DGKI: variants seen among roughly 807,000 people sequenced by gnomAD.
DGKI encodes the protein DAG kinase iota.
In DGKI, 55 loss-of-function variants were observed where a neutral mutation model predicts 147.5. The observed-to-expected ratio is 0.37, with a 90% CI of 0.30 to 0.47. The LOEUF is 0.47. Ranked by LOEUF, DGKI falls within the 20% of genes least tolerant of loss-of-function variation. The pLI is 1.00. For missense variants in DGKI, 1,007 were observed against 1,323.8 expected (o/e 0.76, Z 3.71); for synonymous variants, 469 against 477.1 (o/e 0.98, Z 0.22).
chr7:137,786,579 A>G (rs1238081944), intron 1 of DGKI, among the ~76,000 whole-genome samples: 1 of 152,092 alleles, frequency 6.6e-6, no homozygotes, highest in Non-Finnish European at 1.5e-5. Flanking sequence ...ATTCCCATCA[A>G]AATACCACCA....
At chr7:137,609,228 T>G (rs1371146574) in intron 9 of DGKI, among the ~76,000 whole-genome samples, 164 bp from the exon 10 acceptor site, 1 of 151,448 alleles carries the variant, frequency 6.6e-6, no homozygotes, top group Admixed American at 6.6e-5. Flanking sequence ...CAAGTTATCA[T>G]TTGCTCCAGA....
intron 8 of DGKI, among the ~76,000 whole-genome samples, chr7:137,617,124 C>CAAAAAAAA (rs60654879): frequency 2.1e-5 from 1 of 48,130 alleles, no homozygotes. Flanking sequence ...TCCCTTTTAC[C>CAAAAAAAA]AAAAAAAAAA....
rs561655113 is a variant in DGKI, at chr7:137,722,886, C to T, written c.402-32884G>A. On this transcript the variant is annotated intron_variant, in intron 1 of 32. Coordinates refer to ENST00000614521, the MANE Select transcript of DGKI (RefSeq NM_001321708.2). ...AAGAACTTAATTAAATAGTTGACTA[C>T]GTTAAAAAAAAAAAAAAGTATAGCA... 40 of 534,182 alleles carry T rather than the reference C, an allele frequency of 7.5e-5. No homozygotes were observed. The African/African-American group carries it at 1.3e-3, about 18-fold the overall frequency. The allele number at this position is 534,182 out of a possible 1,614,324, so 33.1% of individuals were successfully genotyped here.
At chr7:137,730,609 T>C (rs1413285309) in intron 1 of DGKI, among the ~76,000 whole-genome samples, 1 of 152,140 alleles carries the variant, frequency 6.6e-6, no homozygotes. Flanking sequence ...ATGAGTTTAC[T>C]CAGGTATCAG....
At chr7:137,663,559 G>A (rs1051295262) in intron 3 of DGKI, among the ~76,000 whole-genome samples, 7 of 152,192 alleles carry the variant, frequency 4.6e-5, no homozygotes, top group Non-Finnish European at 1.0e-4. Flanking sequence ...GGGCTCCTGG[G>A]TGTCTATGTA....
chr7:137,384,582 T>C lies in DGKI; in HGVS notation c.*6638A>G, dbSNP rs1202798597. On this transcript the variant is annotated 3_prime_UTR_variant, in exon 33 of 33. Transcript: ENST00000614521. The stretch of plus-strand genomic sequence containing the variant: ...ATGAATCTGCACAGGCTGAATTCAC[T>C]GCTCTGAGATTCAGTGCATTCATCT... 1 of 152,116 alleles carries C rather than the reference T, an allele frequency of 6.6e-6. No individual in the cohort carries two copies. The highest frequency in any genetic ancestry group is 1.5e-5 in the Non-Finnish European group (1 of 67,988). 9.4% of individuals were successfully genotyped at this position (152,116 alleles called of 1,614,324 possible). A position where few individuals can be genotyped will look rare whatever the true frequency, so the allele number is the denominator to read the frequency against.
At chr7:137,542,622 A>C (rs959947210) in intron 20 of DGKI, among the ~76,000 whole-genome samples, 1 of 152,170 alleles carries the variant, frequency 6.6e-6, no homozygotes, top group Non-Finnish European at 1.5e-5. Flanking sequence ...ACTACAGTGG[A>C]ATACATCATG....
At chr7:137,682,705 A>G (rs1052294975) in intron 2 of DGKI, among the ~76,000 whole-genome samples, 1 of 152,158 alleles carries the variant, frequency 6.6e-6, no homozygotes, top group Non-Finnish European at 1.5e-5. Context: ...CTCTCTTGCA[A>G]TTAGGTGTGG....
chr7:137,518,684 G>T (rs963998008), intron 21 of DGKI, among the ~76,000 whole-genome samples: 1 of 152,028 alleles, frequency 6.6e-6, no homozygotes. Context: ...AGAATAAACT[G>T]GTGCTCAAAC....
At chr7:137,763,699 T>G (rs1402621383) in intron 1 of DGKI, among the ~76,000 whole-genome samples, 1 of 152,244 alleles carries the variant, frequency 6.6e-6, no homozygotes, top group Non-Finnish European at 1.5e-5. Flanking sequence ...ATTCTATAGC[T>G]TCTCTCTGTA....
intron 1 of DGKI, among the ~76,000 whole-genome samples, chr7:137,733,945 A>C (rs1187929602): frequency 6.6e-6 from 1 of 152,110 alleles, no homozygotes; most frequent in Admixed American, 6.6e-5. Context: ...GCACAGATCC[A>C]TTTGAATAGG....
At chr7:137,640,375 G>A (rs1376584399) in intron 6 of DGKI, among the ~76,000 whole-genome samples, 1 of 152,150 alleles carries the variant, frequency 6.6e-6, no homozygotes, top group Non-Finnish European at 1.5e-5. Flanking sequence ...GCTTCCAGCA[G>A]TCATGTGGGC....
At chr7:137,428,564 G>A (rs1371905442) in intron 28 of DGKI, among the ~76,000 whole-genome samples, 2 of 152,104 alleles carry the variant, frequency 1.3e-5, no homozygotes, top group Non-Finnish European at 2.9e-5. Flanking sequence ...CAATTAGGCA[G>A]GAGAAGGAAA....
chr7:137,384,261 G>C lies in DGKI; in HGVS notation c.*6959C>G, dbSNP rs1397428889. ...ATTTCTTCTCTTGAAATCCACCCTG[G>C]TATGCAAACATTAGACTTTTCTTTG... On this transcript the variant is annotated 3_prime_UTR_variant, in exon 33 of 33. Transcript: ENST00000614521. 6.6e-6 allele frequency: 1 copy of C among 151,952 alleles called. No homozygotes were observed. Among genetic ancestry groups the C allele is most frequent in the Non-Finnish European group, 1.5e-5 (1 of 67,934 alleles). 9.4% of individuals were successfully genotyped at this position (151,952 alleles called of 1,614,324 possible).
chr7:137,619,442 T>C (rs1317402065), intron 8 of DGKI, among the ~76,000 whole-genome samples: 1 of 152,138 alleles, frequency 6.6e-6, no homozygotes, highest in East Asian at 1.9e-4. Context: ...GCCTGAACAG[T>C]TTGCCCTCAC....
chr7:137,447,141 A>C lies in DGKI; in HGVS notation c.2736-3039T>G, dbSNP rs544976255. On this transcript the variant is annotated intron_variant, in intron 27 of 32. Transcript: ENST00000614521. Reference sequence around the variant, plus strand: ...TTTACATTTTATTTTGCTTAAATGCAGCAAAATAATACAAAACAAAAATTC... The same window carrying C: ...TTTACATTTTATTTTGCTTAAATGCCGCAAAATAATACAAAACAAAAATTC... Among the ~76,000 whole-genome samples the C allele has an allele frequency of 5.9e-5, 9 of 152,292 alleles. No homozygotes were observed. The East Asian group carries it at 1.7e-3, about 29-fold the overall frequency.
At chr7:137,653,303 T>G (rs1197943533) in intron 5 of DGKI, among the ~76,000 whole-genome samples, 1 of 152,242 alleles carries the variant, frequency 6.6e-6, no homozygotes, top group East Asian at 1.9e-4. Flanking sequence ...TTGCCTAGAT[T>G]ACTAGCATGG....
At chr7:137,688,060 G>A (rs1823480904) in intron 2 of DGKI, among the ~76,000 whole-genome samples, 1 of 152,184 alleles carries the variant, frequency 6.6e-6, no homozygotes. Context: ...CTTGTGCCAA[G>A]CTCTGGCTCA....
At chr7:137,704,487 G>T (rs967028347) in intron 1 of DGKI, among the ~76,000 whole-genome samples, 4 of 152,104 alleles carry the variant, frequency 2.6e-5, no homozygotes, top group African/African-American at 7.2e-5. Flanking sequence ...AAAAAAAGGG[G>T]ATGAAGAAAA....
Sources: gnomAD v4.1 joint callset for allele counts (sites outside exome capture counted in the v4.1 genomes callset) on GRCh38, gnomAD v4.1.1 for gene constraint, MANE v1.5 for transcripts, NCBI Gene and HGNC (gene_info 2026-07-23, HGNC 2026-07-21) for gene names.